The following BTNL8 variants were observed in gnomAD, a reference collection of about 807,000 sequenced individuals.
The protein encoded by BTNL8 is butyrophilin-like protein 8.
BTNL8 carries 22 observed loss-of-function variants against 36.1 expected under a neutral mutation model. That is an observed-to-expected ratio of 0.61 (90% CI 0.44 to 0.87). The LOEUF is 0.87. Among genes scored for constraint, BTNL8 ranks in the 40% least tolerant of loss-of-function variants. BTNL8 has a pLI of 0.00. For missense variants in BTNL8, 526 were observed against 616.9 expected, an observed-to-expected ratio of 0.85 and a Z score of 1.56; for synonymous variants, 203 against 235.6, an observed-to-expected ratio of 0.86 and a Z score of 1.27.
At chr5:180,911,659 G>A (rs775010324) in intron 3 of BTNL8, 45 bp downstream of exon 3, 33 of 1,546,262 alleles carry the variant, frequency 2.1e-5, no homozygotes, top group Admixed American at 1.8e-4. Flanking sequence ...TGGATGCTTC[G>A]GTAACTCAGA....
intron 3 of BTNL8, among the ~76,000 whole-genome samples, chr5:180,944,493 GA>G (rs1759144087): frequency 6.6e-6 from 1 of 151,990 alleles, no homozygotes; most frequent in Non-Finnish European, 1.5e-5. Context: ...GTAGAAAGTG[GA>G]ATAGTGGTTA....
At chr5:180,941,132 G>GGAAGGAAGGAAGGAAGGAAGGAAT (rs1758924145) in intron 3 of BTNL8, among the ~76,000 whole-genome samples, 1 of 150,080 alleles carries the variant, frequency 6.7e-6, no homozygotes, top group Non-Finnish European at 1.5e-5. Flanking sequence ...AAGGAAGGAA[G>GGAAGGAAGGAAGGAAGGAAGGAAT]GAAGGAAGGA....
At chr5:180,948,831 C>A in intron 5 of BTNL8, 89 bp from the exon 6 acceptor site, 1 of 519,044 alleles carries the variant, frequency 1.9e-6, no homozygotes, top group African/African-American at 2.9e-5. Context: ...TGTTACCACT[C>A]GCAGGGATTC....
At chr5:180,919,652 G>A (rs1757783031) in intron 3 of BTNL8, among the ~76,000 whole-genome samples, 1 of 152,124 alleles carries the variant, frequency 6.6e-6, no homozygotes, top group Admixed American at 6.5e-5. Context: ...GTGAGCCCTA[G>A]AGAATCCACT....
At chr5:180,923,353 T>A (rs551106046) in intron 3 of BTNL8, among the ~76,000 whole-genome samples, 1 of 152,172 alleles carries the variant, frequency 6.6e-6, no homozygotes, top group African/African-American at 2.4e-5. Flanking sequence ...TGTATATTTA[T>A]GTAAGTATTA....
chr5:180,947,912 G>T, intron 4 of BTNL8: 1 of 1,072,094 alleles, frequency 9.3e-7, no homozygotes, highest in Non-Finnish European at 1.3e-6. Flanking sequence ...ACACCACCAA[G>T]ACTCCTATTA....
At chr5:180,902,456 C>T (rs974636583) in intron 1 of BTNL8, 44 of 1,501,332 alleles carry the variant, frequency 2.9e-5, no homozygotes, top group Middle Eastern at 3.4e-4. Context: ...ATGAATGTTT[C>T]CCCCTGATGC....
Position 180,935,834 on chromosome 5 carries a change from T to A in BTNL8, c.674-11678T>A, listed in dbSNP as rs143856002. Among the ~76,000 whole-genome samples, 132 of 151,404 alleles carry A rather than the reference T, an allele frequency of 8.7e-4. No homozygotes were observed. Among genetic ancestry groups the A allele is most frequent in the Middle Eastern group, 3.4e-3 (1 of 290 alleles). On this transcript the variant is annotated intron_variant, in intron 3 of 7. Coordinates refer to ENST00000340184, the MANE Select transcript of BTNL8 (RefSeq NM_001040462.3). The surrounding 1 kb of genome is among the most constrained non-coding windows in gnomAD (Gnocchi z 4.8). ...GCAACTGCTCCAGACAGGCTGCCAC[T>A]GTTATCAACATCATACTTAAACATG...
chr5:180,916,170 G>A lies in BTNL8; in HGVS notation c.673+4556G>A, dbSNP rs142860796. Among the ~76,000 whole-genome samples, 21 of 152,326 alleles carry A rather than the reference G, an allele frequency of 1.4e-4. No homozygotes were observed. The East Asian group carries it at 3.5e-3, about 25-fold the overall frequency. On this transcript the variant is annotated intron_variant, in intron 3 of 7. Coordinates refer to ENST00000340184, the MANE Select transcript of BTNL8 (RefSeq NM_001040462.3). ...GCAAAAATGGCATTAATCCACTCAC[G>A]AGGGCAGGATCCTCATGGCCTTGTC...
At chr5:180,928,905 C>T (rs140808976) in intron 3 of BTNL8, among the ~76,000 whole-genome samples, 4,497 of 152,192 alleles carry the variant, frequency 0.03, 147 homozygotes, top group African/African-American at 0.073. Flanking sequence ...GACAGATCAA[C>T]GAGACAGAAA....
At chr5:180,910,613 A>C (rs1236530902) in intron 2 of BTNL8, among the ~76,000 whole-genome samples, 1 of 152,126 alleles carries the variant, frequency 6.6e-6, no homozygotes, top group Non-Finnish European at 1.5e-5. Flanking sequence ...CTTCCTTGCA[A>C]AGTACTTTCC....
intron 3 of BTNL8, among the ~76,000 whole-genome samples, chr5:180,926,701 A>G (rs890841359): frequency 6.6e-6 from 1 of 152,194 alleles, no homozygotes; most frequent in African/African-American, 2.4e-5. Context: ...AAACAAAGCC[A>G]CCAGGAAGTT....
At chr5:180,919,198 T>C (rs1757766818) in intron 3 of BTNL8, among the ~76,000 whole-genome samples, 2 of 152,320 alleles carry the variant, frequency 1.3e-5, no homozygotes, top group South Asian at 4.1e-4. Flanking sequence ...GGATTTGGTA[T>C]CTTATTGCTA....
intron 3 of BTNL8, 37 bp from the exon 4 acceptor site, chr5:180,947,475 C>T: frequency 2.5e-6 from 4 of 1,604,840 alleles, no homozygotes; most frequent in Non-Finnish European, 3.4e-6. Context: ...GTCTTTTGTT[C>T]ACCAATAACT....
At chr5:180,919,038 C>T (rs997719905) in intron 3 of BTNL8, among the ~76,000 whole-genome samples, 3 of 152,204 alleles carry the variant, frequency 2.0e-5, no homozygotes, top group African/African-American at 7.2e-5. Flanking sequence ...GGGAAATTTA[C>T]ATTCTGTAGA....
At chr5:180,907,196 A>G (rs1444741369) in intron 1 of BTNL8, among the ~76,000 whole-genome samples, 1 of 121,700 alleles carries the variant, frequency 8.2e-6, no homozygotes, top group Admixed American at 7.9e-5. Context: ...ACATAGTCCC[A>G]TATTTCTTGG....
At chr5:180,948,559 G>A in intron 5 of BTNL8, 184 bp downstream of exon 5, 1 of 1,522,832 alleles carries the variant, frequency 6.6e-7, no homozygotes, top group Non-Finnish European at 8.9e-7. Context: ...CATCTGGAGG[G>A]CTTAGGATAG....
At chr5:180,940,653 C>T (rs1758883143) in intron 3 of BTNL8, among the ~76,000 whole-genome samples, 1 of 151,740 alleles carries the variant, frequency 6.6e-6, no homozygotes. Flanking sequence ...AAACCCTTAG[C>T]TGGAATAACT....
chr5:180,947,801 A>G (rs781513863), intron 4 of BTNL8, 176 bp downstream of exon 4: 1 of 1,594,090 alleles, frequency 6.3e-7, no homozygotes, highest in Non-Finnish European at 8.6e-7. Flanking sequence ...TCCTCTGGAA[A>G]TATCAACTAC....
Sources: allele counts gnomAD v4.1 joint callset (sites outside exome capture counted in the v4.1 genomes callset), GRCh38; gene constraint gnomAD v4.1.1; non-coding constraint Gnocchi (gnomAD v3.1); transcripts MANE v1.5; gene names NCBI Gene and HGNC (gene_info 2026-07-23, HGNC 2026-07-21).